NYNRIN: variants seen among roughly 807,000 people sequenced by gnomAD.
NYNRIN encodes NYN domain and retroviral integrase containing, also known as protein NYNRIN.
Under a neutral mutation model 146.6 loss-of-function variants are expected in NYNRIN, and 86 were observed. The ratio of observed to expected loss-of-function variants is 0.59; its 90% CI spans 0.49 to 0.70. The LOEUF (loss-of-function observed/expected upper bound fraction) is 0.70. Among genes scored for constraint, NYNRIN ranks in the 30% least tolerant of loss-of-function variants. NYNRIN has a pLI of 0.00. For missense variants in NYNRIN, 2,191 were observed against 2,377.7 expected (o/e 0.92, Z 1.63); for synonymous variants, 1,027 against 1,001.3 (o/e 1.03, Z -0.48).
intron 2 of NYNRIN, among the ~76,000 whole-genome samples, chr14:24,400,724 A>G (rs1566482149): frequency 1.3e-5 from 2 of 151,564 alleles, no homozygotes; most frequent in African/African-American, 4.9e-5. Context: ...TGGGTTCTTA[A>G]TCTTTTTGTT....
At position 24,410,089 on chromosome 14, in the gene NYNRIN, G is replaced by A. The variant is rs2042902652; in HGVS notation, c.2295G>A (p.Val765=). Residue 765 remains valine, a synonymous_variant, in exon 4 of 9, where the codon GTG becomes GTA. Transcript: ENST00000382554. ...GCCACCTGCAAGCGAACAGCACAGT[G>A]ACCAGCTTCCAGAGGTACCACGAGG... is the stretch of plus-strand genomic sequence containing the variant. ...PPRHLQANST[V]TSFQRYHEAL... 1 of 1,613,992 alleles carries A rather than the reference G, an allele frequency of 6.2e-7. No individual in the cohort carries two copies. Among genetic ancestry groups the A allele is most frequent in the East Asian group, 2.2e-5 (1 of 44,882 alleles).
Position 24,415,127 on chromosome 14 carries a change from T to C in NYNRIN, c.3378T>C (p.Pro1126=). Residue 1126 remains proline (P), a synonymous_variant, in exon 9 of 9, where the codon CCT becomes CCC. Transcript: ENST00000382554. The part of the protein sequence containing the change: ...GPLHSLLKQK[P]DWQWDQEHEE... ...TGCACAGCCTCCTCAAGCAGAAGCCTGACTGGCAGTGGGACCAGGAGCATG... is the reference window on the plus strand; with the variant it reads ...TGCACAGCCTCCTCAAGCAGAAGCCCGACTGGCAGTGGGACCAGGAGCATG... 6.2e-7 allele frequency: 1 copy of C among 1,605,826 alleles called. No homozygotes were observed. Among genetic ancestry groups the C allele is most frequent in the Non-Finnish European group, 8.5e-7 (1 of 1,179,044 alleles).
At chr14:24,399,118 T>A in intron 1 of NYNRIN, 32 bp downstream of exon 1, 2 of 859,354 alleles carry the variant, frequency 2.3e-6, no homozygotes, top group Non-Finnish European at 3.5e-6. Flanking sequence ...AAGGAGGCCG[T>A]GCGGGGGGCG....
At chr14:24,399,554 G>C in intron 2 of NYNRIN, 110 bp downstream of exon 2, 1 of 1,001,776 alleles carries the variant, frequency 1.0e-6, no homozygotes, top group Non-Finnish European at 1.5e-6. Context: ...GCCCCCGCCT[G>C]GATTTGGCAG....
chr14:24,409,632 T>C lies in NYNRIN; in HGVS notation c.1838T>C (p.Leu613Ser). The C allele has an allele frequency of 6.2e-7, 1 of 1,607,824 alleles. No homozygotes were observed. The highest frequency in any genetic ancestry group is 1.3e-5 in the African/African-American group (1 of 74,884). Reference protein sequence around the residue: ...AQKTVVNQPVLVAQVEPTTPK... With the variant: ...AQKTVVNQPVSVAQVEPTTPK... ...AAAACAGTTGTGAATCAACCAGTGT[T>C]GGTAGCTCAAGTGGAACCCACAACT... The change falls in exon 4 of 9, where the codon TTG becomes TCG. Residue 613 changes from leucine (L) to serine (S), a missense_variant. By Grantham distance (145) the Leu-to-Ser change is moderately radical (BLOSUM62 -2). Coordinates refer to ENST00000382554, the MANE Select transcript of NYNRIN (RefSeq NM_025081.3).
At position 24,417,978 on chromosome 14, in the gene NYNRIN, G is replaced by A. The variant is rs1042425327; in HGVS notation, c.*532G>A. On this transcript the variant is annotated 3_prime_UTR_variant, in exon 9 of 9. Coordinates refer to ENST00000382554, the MANE Select transcript of NYNRIN (RefSeq NM_025081.3). ...AGCCTGGGCAGGCTGTGGGGAGGCC[G>A]CTGCCTCCTAGCCTCACGGTCAGCT... is the stretch of plus-strand genomic sequence containing the variant. 4.3e-5 allele frequency: 11 copies of A among 254,906 alleles called. No homozygotes were observed. The highest frequency in any genetic ancestry group is 1.7e-4 in the African/African-American group (7 of 42,354). 15.8% of individuals were successfully genotyped at this position (254,906 alleles called of 1,614,324 possible).
intron 6 of NYNRIN, 98 bp from the exon 7 acceptor site, chr14:24,412,899 C>T: frequency 1.3e-6 from 1 of 769,024 alleles, no homozygotes; most frequent in South Asian, 1.6e-5. Flanking sequence ...CTTTGTCTGA[C>T]ACACCTCAAT....
chr14:24,417,262 C>T lies in NYNRIN; in HGVS notation c.5513C>T (p.Pro1838Leu). ...GACCAGGTCCTTTTGCTGTCCCTCC[C>T]CAGGAATGGCAGCAGTGCCAAATGG... The part of the protein sequence containing the change: ...VGDQVLLLSL[P>L]RNGSSAKWVG... Residue 1838 changes from proline (P) to leucine (L), a missense_variant, in exon 9 of 9, where the codon CCC becomes CTC. This residue lies in a region of NYNRIN where 1,291 missense variants were observed against 1,417.0 expected (regional missense o/e 0.91). Transcript: ENST00000382554. 3 of 1,614,008 alleles carry T rather than the reference C, an allele frequency of 1.9e-6. No individual in the cohort carries two copies. The highest frequency in any genetic ancestry group is 2.5e-6 in the Non-Finnish European group (3 of 1,179,876).
At chr14:24,399,615 G>A (rs960928437) in intron 2 of NYNRIN, among the ~76,000 whole-genome samples, 171 bp downstream of exon 2, 5 of 152,086 alleles carry the variant, frequency 3.3e-5, no homozygotes, top group Admixed American at 1.3e-4. Flanking sequence ...ATCAGCCTGC[G>A]CTCCTTCCAT....
rs1174108616 is a variant in NYNRIN, at chr14:24,417,327, C to A, written c.5578C>A (p.Leu1860Ile). The A allele has an allele frequency of 1.2e-6, 2 of 1,610,940 alleles. No homozygotes were observed. Among genetic ancestry groups the A allele is most frequent in the Non-Finnish European group, 1.7e-6 (2 of 1,178,560 alleles). The change falls in exon 9 of 9, where the codon CTC becomes ATC. Residue 1860 changes from leucine to isoleucine, a missense_variant. Leu to Ile is a conservative substitution (Grantham distance 5). Coordinates refer to ENST00000382554, the MANE Select transcript of NYNRIN (RefSeq NM_025081.3). ...TATCGGGGACCGGCTGAGCCTGTCA[C>A]TCTATAGGATATGGGGCTTCCCAAC... is the stretch of plus-strand genomic sequence containing the variant. ...FYIGDRLSLSLYRIWGFPTPE... is the reference protein window; with the variant it reads ...FYIGDRLSLSIYRIWGFPTPE...
At position 24,408,685 on chromosome 14, in the gene NYNRIN, T is replaced by C. The variant is rs1222718818; in HGVS notation, c.891T>C (p.Ser297=). Reference sequence around the variant, plus strand: ...CCAACAACCAAGATGGTATGGACAGTGCTCAAGAGGAAGGGACAGTGCAAG... The same window carrying C: ...CCAACAACCAAGATGGTATGGACAGCGCTCAAGAGGAAGGGACAGTGCAAG... ...VGSNNQDGMD[S]AQEEGTVQAT... The change falls in exon 4 of 9, where the codon AGT becomes AGC. Residue 297 remains serine (S), a synonymous_variant. Transcript: ENST00000382554. The C allele has an allele frequency of 6.2e-7, 1 of 1,612,310 alleles. No homozygotes were observed. The highest frequency in any genetic ancestry group is 2.2e-5 in the East Asian group (1 of 44,862).
At position 24,416,264 on chromosome 14, in the gene NYNRIN, A is replaced by G; in HGVS notation, c.4515A>G (p.Ser1505=). ...CTGGGCAGAAACTGTCTGGCTCCTC[A>G]CCGTTTAGTTCTGCCTTTAACTCAC... is the stretch of plus-strand genomic sequence containing the variant. ...LQAGQKLSGS[S]PFSSAFNSLS... The change falls in exon 9 of 9, where the codon TCA becomes TCG. Residue 1505 remains serine, a synonymous_variant. Transcript: ENST00000382554. The G allele has an allele frequency of 1.2e-6, 2 of 1,613,758 alleles. No individual in the cohort carries two copies. The highest frequency in any genetic ancestry group is 3.3e-5 in the Admixed American group (2 of 59,998).
rs764610821 is a variant in NYNRIN, at chr14:24,415,877, T to G, written c.4128T>G (p.Thr1376=). ...CCCCACTCCCAGTGGTTTTCCTCAC[T>G]CACTGCAACTGGATCTTCAGCCTCC... ...GQSPLPVVFL[T]HCNWIFSLLW... is the part of the protein sequence containing the mutation. Residue 1376 remains threonine, a synonymous_variant, in exon 9 of 9, where the codon ACT becomes ACG. Coordinates refer to ENST00000382554, the MANE Select transcript of NYNRIN (RefSeq NM_025081.3). 86 of 1,613,760 alleles carry G rather than the reference T, an allele frequency of 5.3e-5. No homozygotes were observed. The highest frequency in any genetic ancestry group is 8.0e-5 in the African/African-American group (6 of 74,906).
chr14:24,409,669 C>T lies in NYNRIN; in HGVS notation c.1875C>T (p.Pro625=). Reference sequence around the variant, plus strand: ...TGGAACCCACAACTCCAAAAACTCCCCAGGCTCAGAAGATGCCTGTAGCAA... The same window carrying T: ...TGGAACCCACAACTCCAAAAACTCCTCAGGCTCAGAAGATGCCTGTAGCAA... ...AQVEPTTPKT[P]QAQKMPVAKT... is the part of the protein sequence containing the mutation. Residue 625 remains proline, a synonymous_variant, in exon 4 of 9, where the codon CCC becomes CCT. Coordinates refer to ENST00000382554, the MANE Select transcript of NYNRIN (RefSeq NM_025081.3). 1 of 1,607,234 alleles carries T rather than the reference C, an allele frequency of 6.2e-7. No homozygotes were observed. Among genetic ancestry groups the T allele is most frequent in the Non-Finnish European group, 8.5e-7 (1 of 1,176,738 alleles).
intron 2 of NYNRIN, among the ~76,000 whole-genome samples, chr14:24,400,371 T>A (rs1006673391): frequency 2.3e-4 from 35 of 152,164 alleles, no homozygotes; most frequent in African/African-American, 8.5e-4. Flanking sequence ...TTATCTTACT[T>A]CTTCTTTGTA....
In NYNRIN at chr14:24,417,507, C is replaced by G. The variant is rs2139356704; in HGVS notation, c.*61C>G. 1 of 1,431,712 alleles carries G rather than the reference C, an allele frequency of 7.0e-7. No homozygotes were observed. Among genetic ancestry groups the G allele is most frequent in the South Asian group, 1.5e-5 (1 of 64,700 alleles). The allele number at this position is 1,431,712 out of a possible 1,614,324, so 88.7% of individuals were successfully genotyped here. A position where few individuals can be genotyped will look rare whatever the true frequency, so the allele number is the denominator to read the frequency against. ...GTGGGTTTCTGCTGCTAGGCCTCCC[C>G]CTGTCCCAGCAGTGCTCTCAGTCCA... On this transcript the variant is annotated 3_prime_UTR_variant, in exon 9 of 9. Transcript: ENST00000382554.
intron 3 of NYNRIN, 50 bp downstream of exon 3, chr14:24,408,577 C>T (rs571699792): frequency 3.3e-6 from 5 of 1,537,184 alleles, no homozygotes; most frequent in African/African-American, 1.4e-5. Flanking sequence ...CCCTGCTCCC[C>T]TACCCTAAGG....
chr14:24,415,206 G>A lies in NYNRIN; in HGVS notation c.3457G>A (p.Ala1153Thr). 6.2e-7 allele frequency: 1 copy of A among 1,611,202 alleles called. No individual in the cohort carries two copies. The highest frequency in any genetic ancestry group is 8.5e-7 in the Non-Finnish European group (1 of 1,179,786). Residue 1153 changes from alanine (A) to threonine (T), a missense_variant, in exon 9 of 9, where the codon GCC (alanine) becomes ACC (threonine). By Grantham distance (58) the Ala-to-Thr change is moderately conservative (BLOSUM62 0). Transcript: ENST00000382554. ...CCTGGTGTCTGCCCTCTGCCTGATG[G>A]CCCCCAACTCCCAGCTGCCCTTCCG... The part of the protein sequence containing the change: ...RALVSALCLM[A>T]PNSQLPFRLE...
rs1159394879 is a variant in NYNRIN at position 24,417,170 on chromosome 14, G to A, written c.5421G>A (p.Lys1807=). The A allele has an allele frequency of 6.2e-7, 1 of 1,614,044 alleles. No homozygotes were observed. The part of the protein sequence containing the change: ...LLELHWRVAD[K]ASEKAENRRF... ...AGCTCCACTGGAGGGTGGCTGACAA[G>A]GCGAGTGAAAAGGCCGAGAACAGGC... The change falls in exon 9 of 9, where the codon AAG becomes AAA. Residue 1807 remains lysine (K), a synonymous_variant. Coordinates refer to ENST00000382554, the MANE Select transcript of NYNRIN (RefSeq NM_025081.3).
Sources: gnomAD v4.1 joint callset for allele counts (sites outside exome capture counted in the v4.1 genomes callset) on GRCh38, gnomAD v4.1.1 for gene constraint, gnomAD v4.1.1 regional missense constraint, MANE v1.5 for transcripts, NCBI Gene and HGNC (gene_info 2026-07-23, HGNC 2026-07-21) for gene names.